CUL3: variants seen among roughly 807,000 people sequenced by gnomAD.
CUL3 encodes cullin-3.
A neutral mutation model predicts 89.1 loss-of-function variants in CUL3; 19 were observed. That is an observed-to-expected ratio of 0.21 (90% CI 0.15 to 0.31). The LOEUF (loss-of-function observed/expected upper bound fraction) is 0.31. CUL3 is among the 10% of genes least tolerant of loss of function. CUL3 has a pLI of 1.00. For missense variants in CUL3, 469 were observed against 942.3 expected, an observed-to-expected ratio of 0.50 and a Z score of 6.58; for synonymous variants, 351 against 308.4, an observed-to-expected ratio of 1.14 and a Z score of -1.45.
At chr2:224,512,313 G>C (rs1460807578) in intron 5 of CUL3, among the ~76,000 whole-genome samples, 2 of 151,918 alleles carry the variant, frequency 1.3e-5, no homozygotes, top group Admixed American at 6.6e-5. Flanking sequence ...AGCCAGGATG[G>C]TCTCAATCTC....
intron 6 of CUL3, among the ~76,000 whole-genome samples, chr2:224,508,561 A>G (rs1214133677): frequency 1.3e-5 from 2 of 152,194 alleles, no homozygotes; most frequent in South Asian, 2.1e-4. Flanking sequence ...AATTACTACA[A>G]TTTCATTGTA....
chr2:224,480,195 T>TA (rs1423036674), intron 14 of CUL3: 3 of 152,384 alleles, frequency 2.0e-5, no homozygotes, highest in Non-Finnish European at 4.4e-5. Context: ...AAGGCTGTGT[T>TA]ATTTTAGTAA....
intron 1 of CUL3, among the ~76,000 whole-genome samples, chr2:224,559,533 C>G (rs1219716662): frequency 6.6e-6 from 1 of 151,804 alleles, no homozygotes. Flanking sequence ...TCAGCACCAT[C>G]TAATCTCTCT....
chr2:224,579,921 T>G (rs1695395178), intron 1 of CUL3, among the ~76,000 whole-genome samples: 1 of 152,178 alleles, frequency 6.6e-6, no homozygotes, highest in Non-Finnish European at 1.5e-5. Flanking sequence ...ATCAAACCCA[T>G]GTGGGCAAAA....
chr2:224,491,314 AC>A (rs977080436), intron 13 of CUL3, among the ~76,000 whole-genome samples: 1 of 152,144 alleles, frequency 6.6e-6, no homozygotes. Flanking sequence ...TGGTATAAGT[AC>A]CCTGTCTACA....
Position 224,495,972 on chromosome 2 carries a change from T to C in CUL3, c.1708-6A>G. 6.2e-7 allele frequency: 1 copy of C among 1,607,796 alleles called. No homozygotes were observed. The highest frequency in any genetic ancestry group is 1.1e-5 in the South Asian group (1 of 89,738). On this transcript the variant is annotated splice_polypyrimidine_tract_variant and splice_region_variant and intron_variant, in intron 12 of 15. Coordinates refer to ENST00000264414, the MANE Select transcript of CUL3 (RefSeq NM_003590.5). Reference sequence around the variant, plus strand: ...CCAACTTCAGATCCATCTTCCTGTTTCATTTTTAAAAAAATATAAACAAAG... The same window carrying C: ...CCAACTTCAGATCCATCTTCCTGTTCCATTTTTAAAAAAATATAAACAAAG...
chr2:224,540,305 G>A (rs1431394002), intron 2 of CUL3, among the ~76,000 whole-genome samples: 1 of 151,898 alleles, frequency 6.6e-6, no homozygotes, highest in East Asian at 1.9e-4. Context: ...TGATCCACTC[G>A]CCTCGGCCTC....
intron 1 of CUL3, among the ~76,000 whole-genome samples, chr2:224,558,107 C>G (rs1349082755): frequency 6.6e-6 from 1 of 152,066 alleles, no homozygotes; most frequent in Non-Finnish European, 1.5e-5. Flanking sequence ...TTACCTGGAG[C>G]AGAACTCTTC....
intron 10 of CUL3, 116 bp downstream of exon 10, chr2:224,502,849 A>G: frequency 1.4e-6 from 1 of 704,428 alleles, no homozygotes; most frequent in Non-Finnish European, 2.5e-6. Flanking sequence ...GATAAAACAC[A>G]TGTTGTCACT....
At chr2:224,502,831 T>C (rs1321890431) in intron 10 of CUL3, 134 bp downstream of exon 10, 3 of 635,614 alleles carry the variant, frequency 4.7e-6, no homozygotes, top group East Asian at 2.6e-5. Context: ...GAAAATTAAG[T>C]ACTCACAGAT....
At chr2:224,497,596 GAAGT>G (rs1465976660) in intron 12 of CUL3, among the ~76,000 whole-genome samples, 153 bp downstream of exon 12, 1 of 152,182 alleles carries the variant, frequency 6.6e-6, no homozygotes, top group Non-Finnish European at 1.5e-5. Context: ...TGAGAGAACA[GAAGT>G]AATAAATCAA....
In CUL3 at chr2:224,506,991, A is replaced by G. The variant is rs1692626245; in HGVS notation, c.896T>C (p.Met299Thr). Residue 299 changes from methionine (M) to threonine (T), a missense_variant, in exon 7 of 16, where the codon ATG becomes ACG. Physicochemically the swap from Met to Thr is moderately conservative, Grantham distance 81. Coordinates refer to ENST00000264414, the MANE Select transcript of CUL3 (RefSeq NM_003590.5). The part of the protein sequence containing the change: ...KNGKTEDLGC[M>T]YKLFSRVPNG... The stretch of plus-strand genomic sequence containing the variant: ...TGGCACACGACTAAATAACTTGTAC[A>G]TGCAACCAAGGTCTACAAATCAGAA... 6.2e-7 allele frequency: 1 copy of G among 1,611,550 alleles called. No individual in the cohort carries two copies. The highest frequency in any genetic ancestry group is 8.5e-7 in the Non-Finnish European group (1 of 1,179,186).
intron 8 of CUL3, 58 bp downstream of exon 8, chr2:224,505,898 T>C (rs1448670824): frequency 3.5e-6 from 4 of 1,148,926 alleles, no homozygotes; most frequent in Non-Finnish European, 4.7e-6. Flanking sequence ...TAATTTTACA[T>C]ATAATTTTAT....
intron 6 of CUL3, among the ~76,000 whole-genome samples, chr2:224,509,106 G>T (rs1236904523): frequency 6.6e-6 from 1 of 152,096 alleles, no homozygotes; most frequent in African/African-American, 2.4e-5. Flanking sequence ...GGTGAAGTTG[G>T]CTCTGCTATA....
At chr2:224,577,993 A>G (rs754646462) in intron 1 of CUL3, among the ~76,000 whole-genome samples, 1 of 152,216 alleles carries the variant, frequency 6.6e-6, no homozygotes, top group Non-Finnish European at 1.5e-5. Flanking sequence ...CCTCATTTGT[A>G]GAACAGATAA....
chr2:224,492,051 G>C (rs11903863), intron 13 of CUL3, among the ~76,000 whole-genome samples: 28,091 of 152,038 alleles, frequency 0.18, 2,943 homozygotes, highest in South Asian at 0.27. Context: ...TAAGGAGCAA[G>C]GCAGAATGAT....
intron 6 of CUL3, among the ~76,000 whole-genome samples, 200 bp from the exon 7 acceptor site, chr2:224,507,203 A>G (rs572966460): frequency 6.6e-6 from 1 of 152,342 alleles, no homozygotes; most frequent in South Asian, 2.1e-4. Flanking sequence ...TAATTTATAA[A>G]ACACAACTTT....
chr2:224,503,000 T>A lies in CUL3; in HGVS notation c.1450A>T (p.Met484Leu), dbSNP rs1692450392. 1 of 1,614,004 alleles carries A rather than the reference T, an allele frequency of 6.2e-7. No individual in the cohort carries two copies. The highest frequency in any genetic ancestry group is 2.2e-5 in the East Asian group (1 of 44,862). Residue 484 changes from methionine to leucine, a missense_variant, in exon 10 of 16, where the codon ATG becomes TTG. This residue lies in a region of CUL3 where 370 missense variants were observed against 733.2 expected (regional missense o/e 0.50). Coordinates refer to ENST00000264414, the MANE Select transcript of CUL3 (RefSeq NM_003590.5). ...FRDMSISNTT[M>L]DEFRQHLQAT... ...TGTAGATGTTGCCTGAATTCATCCA[T>A]CGTTGTGTTTGAGATGCTCATATCC...
intron 13 of CUL3, among the ~76,000 whole-genome samples, chr2:224,491,900 C>T (rs998629578): frequency 1.3e-5 from 2 of 152,168 alleles, no homozygotes; most frequent in African/African-American, 4.8e-5. Flanking sequence ...TAATAACGAT[C>T]TTTTCAAAAA....
Sources: gnomAD v4.1 joint callset for allele counts (sites outside exome capture counted in the v4.1 genomes callset) on GRCh38, gnomAD v4.1.1 for gene constraint, gnomAD v4.1.1 regional missense constraint, MANE v1.5 for transcripts, NCBI Gene and HGNC (gene_info 2026-07-23, HGNC 2026-07-21) for gene names.